LRRTM3: variants seen among roughly 807,000 people sequenced by gnomAD.
The protein encoded by LRRTM3 is leucine-rich repeat transmembrane neuronal protein 3.
LRRTM3 carries 24 observed loss-of-function variants against 44.7 expected under a neutral mutation model. The ratio of observed to expected loss-of-function variants is 0.54; its 90% CI spans 0.39 to 0.76. The LOEUF (loss-of-function observed/expected upper bound fraction) is 0.76. Among genes scored for constraint, LRRTM3 ranks in the 30% least tolerant of loss-of-function variants. The pLI is 0.00. For missense variants in LRRTM3, 587 were observed against 702.2 expected, an observed-to-expected ratio of 0.84 and a Z score of 1.85; for synonymous variants, 277 against 278.7, an observed-to-expected ratio of 0.99 and a Z score of 0.06.
chr10:66,994,693 G>T (rs2132949799), intron 2 of LRRTM3, among the ~76,000 whole-genome samples: 1 of 152,210 alleles, frequency 6.6e-6, no homozygotes, highest in East Asian at 1.9e-4. Context: ...AACATTTCAA[G>T]TTATGATTAA....
chr10:66,998,597 A>G (rs1851498898), intron 2 of LRRTM3, among the ~76,000 whole-genome samples: 1 of 152,194 alleles, frequency 6.6e-6, no homozygotes, highest in Admixed American at 6.5e-5. Flanking sequence ...TAGAGAGGCA[A>G]AAAAGGCACA....
intron 2 of LRRTM3, among the ~76,000 whole-genome samples, chr10:67,087,685 T>C (rs1857383773): frequency 6.6e-6 from 1 of 151,970 alleles, no homozygotes; most frequent in African/African-American, 2.4e-5. Context: ...TTTAGCCCTC[T>C]ACCTCTAAGC....
rs12217179 is a variant in LRRTM3, at chr10:66,981,923, C to T, written c.1536+53471C>T. On this transcript the variant is annotated intron_variant, in intron 2 of 2. Coordinates refer to ENST00000361320, the MANE Select transcript of LRRTM3 (RefSeq NM_178011.5). ...AAAAGAACAAAGAGAAAATGAAATC[C>T]ACAGGAAGCTCCCAAAGGCTGCCTA... Among the ~76,000 whole-genome samples the T allele has an allele frequency of 3.8e-3, 572 of 152,234 alleles. 29 individuals carry two copies. The East Asian group carries it at 0.09, about 24-fold the overall frequency.
At chr10:67,043,131 C>CTTTTTT (rs1284606581) in intron 2 of LRRTM3, among the ~76,000 whole-genome samples, 1 of 60,210 alleles carries the variant, frequency 1.7e-5, no homozygotes. Context: ...GGCTCACTTT[C>CTTTTTT]TTTCTTTTTT....
chr10:67,035,551 T>G (rs1410749381), intron 2 of LRRTM3, among the ~76,000 whole-genome samples: 2 of 152,184 alleles, frequency 1.3e-5, no homozygotes, highest in African/African-American at 4.8e-5. Flanking sequence ...AAATTCTAAC[T>G]CGGAGAACTT....
intron 2 of LRRTM3, among the ~76,000 whole-genome samples, chr10:66,989,413 G>A (rs540265008): frequency 1.3e-5 from 2 of 152,150 alleles, no homozygotes; most frequent in South Asian, 4.2e-4. Context: ...TATATTTGTA[G>A]GTATAACAGA....
chr10:66,953,650 GA>G (rs1848649606), intron 2 of LRRTM3, among the ~76,000 whole-genome samples: 1 of 152,036 alleles, frequency 6.6e-6, no homozygotes, highest in African/African-American at 2.4e-5. Context: ...ATTGCTTAGA[GA>G]ATTTCATCTA....
chr10:66,944,951 A>T (rs1489857949), intron 2 of LRRTM3, among the ~76,000 whole-genome samples: 1 of 152,170 alleles, frequency 6.6e-6, no homozygotes, highest in Non-Finnish European at 1.5e-5. Context: ...TGCTATAAAC[A>T]CATGTGCTAT....
chr10:67,083,857 T>G (rs947171193), intron 2 of LRRTM3, among the ~76,000 whole-genome samples: 1 of 152,068 alleles, frequency 6.6e-6, no homozygotes, highest in Non-Finnish European at 1.5e-5. Flanking sequence ...ACATATTTTA[T>G]TAAAATGTAA....
intron 2 of LRRTM3, among the ~76,000 whole-genome samples, chr10:67,025,157 G>A (rs538974711): frequency 2.9e-4 from 43 of 148,198 alleles, no homozygotes; most frequent in African/African-American, 9.6e-4. Flanking sequence ...AGAAAGAAAG[G>A]AAGGAAGGAA....
intron 2 of LRRTM3, among the ~76,000 whole-genome samples, chr10:67,026,401 A>T (rs1853392242): frequency 6.6e-6 from 1 of 152,058 alleles, no homozygotes. Flanking sequence ...ATTTGTAAAT[A>T]TAAAAATAGA....
intron 2 of LRRTM3, among the ~76,000 whole-genome samples, chr10:67,043,123 C>A (rs1270577717): frequency 1.5e-5 from 2 of 131,350 alleles, no homozygotes; most frequent in Non-Finnish European, 3.2e-5. Context: ...TGCCTCAAGG[C>A]TCACTTTCTT....
At chr10:66,981,218 T>C (rs960562027) in intron 2 of LRRTM3, among the ~76,000 whole-genome samples, 28 of 152,318 alleles carry the variant, frequency 1.8e-4, no homozygotes, top group African/African-American at 6.7e-4. Context: ...CCAGTTTTTC[T>C]AGTAGTTTAT....
chr10:66,958,480 A>G (rs1269002089), intron 2 of LRRTM3, among the ~76,000 whole-genome samples: 1 of 151,904 alleles, frequency 6.6e-6, no homozygotes, highest in Non-Finnish European at 1.5e-5. Context: ...TAAAAAAAAT[A>G]GCATATAGCT....
chr10:66,926,352 T>G lies in LRRTM3; in HGVS notation c.-232T>G. 6.9e-6 allele frequency: 4 copies of G among 577,748 alleles called. No homozygotes were observed. Among genetic ancestry groups the G allele is most frequent in the East Asian group, 3.0e-5 (1 of 33,040 alleles). The allele number at this position is 577,748 out of a possible 1,614,324, so 35.8% of individuals were successfully genotyped here. A position where few individuals can be genotyped will look rare whatever the true frequency, so the allele number is the denominator to read the frequency against. On this transcript the variant is annotated 5_prime_UTR_variant, in exon 1 of 3. Coordinates refer to ENST00000361320, the MANE Select transcript of LRRTM3 (RefSeq NM_178011.5). ...ATGAAGATCCTATTACCTAGGAAGA[T>G]TTTGATGTTTTGCTGCGAATGCGGT...
At chr10:66,978,882 T>A (rs1850236455) in intron 2 of LRRTM3, among the ~76,000 whole-genome samples, 1 of 151,398 alleles carries the variant, frequency 6.6e-6, no homozygotes, top group Non-Finnish European at 1.5e-5. Flanking sequence ...CAAAGCCTAT[T>A]ATTTGAAGGA....
intron 2 of LRRTM3, among the ~76,000 whole-genome samples, chr10:66,941,263 G>A (rs1368183051): frequency 6.6e-6 from 1 of 152,094 alleles, no homozygotes; most frequent in African/African-American, 2.4e-5. Context: ...AACATGAAGA[G>A]GCAAACATAC....
At chr10:67,054,125 A>G (rs1684970910) in intron 2 of LRRTM3, among the ~76,000 whole-genome samples, 2 of 152,136 alleles carry the variant, frequency 1.3e-5, no homozygotes, top group East Asian at 3.8e-4. Context: ...TTATAATTCC[A>G]CATATTCACG....
chr10:66,978,526 CAAA>C (rs1170594360), intron 2 of LRRTM3, among the ~76,000 whole-genome samples: 2 of 42,316 alleles, frequency 4.7e-5, no homozygotes, highest in African/African-American at 1.0e-4. Flanking sequence ...GACTCCATCT[CAAA>C]AAAAAAAAAA....
Sources: allele counts gnomAD v4.1 joint callset (sites outside exome capture counted in the v4.1 genomes callset), GRCh38; gene constraint gnomAD v4.1.1; transcripts MANE v1.5; gene names NCBI Gene and HGNC (gene_info 2026-07-23, HGNC 2026-07-21).